Variants in CES5A observed in about 807,000 individuals in gnomAD.
CES5A encodes the protein carboxylesterase 5A.
CES5A carries 67 observed loss-of-function variants against 62.9 expected under a neutral mutation model. That is an observed-to-expected ratio of 1.07 (90% CI 0.88 to 1.31). The LOEUF (loss-of-function observed/expected upper bound fraction) is 1.31. CES5A is among the 50% of genes most tolerant of loss of function. The probability of loss-of-function intolerance (pLI) is 0.00; values close to 1 mark genes in which losing one functional copy is unlikely to be tolerated. For missense variants in CES5A, 748 were observed against 708.5 expected (o/e 1.06, Z -0.63); for synonymous variants, 296 against 280.8 (o/e 1.05, Z -0.54).
chr16:55,846,913 T>G (rs11076120), intron 11 of CES5A, 73 bp from the exon 12 acceptor site: 326,592 of 1,237,434 alleles, frequency 0.26, 48,686 homozygotes, highest in East Asian at 0.5. Flanking sequence ...TGTATTTGAT[T>G]AATCCTTTTC....
At chr16:55,909,255 T>C (rs1016209845) in intron 1 of CES5A, among the ~76,000 whole-genome samples, 5 of 152,152 alleles carry the variant, frequency 3.3e-5, no homozygotes, top group African/African-American at 1.2e-4. Flanking sequence ...CCTCAATTCA[T>C]TGTTGAGGAA....
At chr16:55,868,109 C>T (rs561233070) in intron 4 of CES5A, among the ~76,000 whole-genome samples, 2 of 152,330 alleles carry the variant, frequency 1.3e-5, no homozygotes, top group East Asian at 1.9e-4. Context: ...CCCTATCAGG[C>T]CTGTCCTTGC....
At chr16:55,889,459 A>T (rs1891231570) in intron 1 of CES5A, among the ~76,000 whole-genome samples, 1 of 152,066 alleles carries the variant, frequency 6.6e-6, no homozygotes, top group Non-Finnish European at 1.5e-5. Context: ...GGCTCACAGA[A>T]CTCAAGTCAA....
At chr16:55,933,165 A>T (rs1275848461) in intron 2 of CES5A, among the ~76,000 whole-genome samples, 3 of 152,166 alleles carry the variant, frequency 2.0e-5, no homozygotes, top group Non-Finnish European at 1.5e-5. Flanking sequence ...GAGGCACGTC[A>T]TGGGTTCTTA....
At chr16:55,876,738 G>A (rs970771855), upstream of CES5A, among the ~76,000 whole-genome samples, 11 of 152,198 alleles carry the variant, frequency 7.2e-5, no homozygotes, top group African/African-American at 2.7e-4. Flanking sequence ...AAGTGGTTGG[G>A]CTAAGAGAGA....
intron 2 of CES5A, among the ~76,000 whole-genome samples, chr16:55,932,559 TG>T (rs1224219495): frequency 7.1e-3 from 35 of 4,928 alleles, no homozygotes; most frequent in East Asian, 0.015. Flanking sequence ...CAGAAAATAA[TG>T]GGGGGGGGAG....
At chr16:55,953,861 C>T (rs1346198412) in intron 1 of CES5A, among the ~76,000 whole-genome samples, 1 of 152,152 alleles carries the variant, frequency 6.6e-6, no homozygotes, top group African/African-American at 2.4e-5. Context: ...TCCATCACCT[C>T]AAGCATCTGT....
At chr16:55,854,454 A>G (rs1170889631) in intron 9 of CES5A, among the ~76,000 whole-genome samples, 3 of 151,316 alleles carry the variant, frequency 2.0e-5, no homozygotes, top group Non-Finnish European at 4.4e-5. Context: ...CTTAGTCCCA[A>G]TTCATCATCA....
At position 55,892,780 on chromosome 16, in the gene CES5A, AACT is replaced by A. The variant is rs556422859; in HGVS notation, c.-255-18746_-255-18744del. Among the ~76,000 whole-genome samples, 326 of 152,272 alleles carry A rather than the reference AACT, an allele frequency of 2.1e-3. 1 individual carries two copies. The highest frequency in any genetic ancestry group is 7.5e-3 in the African/African-American group (310 of 41,554). ...TTATATATATATAAAGCTATCAAAGAACTATGGACACAGAGAAACCTAACTGAG... is the reference window on the plus strand; with the variant it reads ...TTATATATATATAAAGCTATCAAAGAATGGACACAGAGAAACCTAACTGAG... On this transcript the variant is annotated intron_variant, in intron 1 of 12. Transcript: ENST00000518005.
At chr16:55,925,787 G>A (rs1159826427), upstream of CES5A, among the ~76,000 whole-genome samples, 1 of 151,866 alleles carries the variant, frequency 6.6e-6, no homozygotes, top group African/African-American at 2.4e-5. Context: ...ATGTTAAATG[G>A]GACTTAATCA....
chr16:55,955,760 G>C, intron 1 of CES5A: 1 of 1,441,752 alleles, frequency 6.9e-7, no homozygotes. Context: ...GGGTAAATTT[G>C]CATCTAATCT....
intron 4 of CES5A, 37 bp from the exon 5 acceptor site, chr16:55,866,153 C>G: frequency 6.3e-7 from 1 of 1,587,438 alleles, no homozygotes; most frequent in Non-Finnish European, 8.6e-7. Flanking sequence ...TCTTGGTCAG[C>G]CATGGTGTGT....
chr16:55,856,237 C>T (rs571997212), intron 9 of CES5A, 140 bp downstream of exon 9: 5 of 731,756 alleles, frequency 6.8e-6, no homozygotes, highest in African/African-American at 5.2e-5. Flanking sequence ...GACTAATACA[C>T]CTATGCTTAG....
intron 5 of CES5A, among the ~76,000 whole-genome samples, chr16:55,864,568 A>T (rs2033417232): frequency 6.6e-6 from 1 of 152,158 alleles, no homozygotes; most frequent in African/African-American, 2.4e-5. Context: ...TTATGTCTGG[A>T]AAAAAAATTC....
At chr16:55,930,634 C>T (rs2034300559) in intron 2 of CES5A, among the ~76,000 whole-genome samples, 1 of 152,126 alleles carries the variant, frequency 6.6e-6, no homozygotes, top group Non-Finnish European at 1.5e-5. Context: ...CAGAACTGTC[C>T]CAGGCTTTTC....
At chr16:55,879,694 G>A (rs978813960), upstream of CES5A, among the ~76,000 whole-genome samples, 5 of 152,096 alleles carry the variant, frequency 3.3e-5, no homozygotes, top group East Asian at 1.9e-4. Context: ...GGGCTCAAGC[G>A]ATCCTCCCAC....
rs112518241 is a variant in CES5A at position 55,869,112 on chromosome 16, C to T, written c.551+499G>A. Among the ~76,000 whole-genome samples, 685 of 152,352 alleles carry T rather than the reference C, an allele frequency of 4.5e-3. 6 individuals carry two copies. Among genetic ancestry groups the T allele is most frequent in the African/African-American group, 0.016 (661 of 41,584 alleles). Reference sequence around the variant, plus strand: ...CTGCTCACACAAACAGTGTCCTGTTCTTCCAGGGCACACAGTGGGGCTACA... The same window carrying T: ...CTGCTCACACAAACAGTGTCCTGTTTTTCCAGGGCACACAGTGGGGCTACA... On this transcript the variant is annotated intron_variant, in intron 4 of 12. Transcript: ENST00000290567.
At chr16:55,908,151 T>A (rs1376696208) in intron 1 of CES5A, among the ~76,000 whole-genome samples, 2 of 152,066 alleles carry the variant, frequency 1.3e-5, no homozygotes, top group Non-Finnish European at 2.9e-5. Flanking sequence ...CTAGCCCCCA[T>A]CCATGCAGCC....
chr16:55,846,359 C>T lies in CES5A; in HGVS notation c.*92G>A. 3 of 941,752 alleles carry T rather than the reference C, an allele frequency of 3.2e-6. No individual in the cohort carries two copies. The highest frequency in any genetic ancestry group is 3.1e-5 in the South Asian group (2 of 65,474). The allele number at this position is 941,752 out of a possible 1,614,324, so 58.3% of individuals were successfully genotyped here. On this transcript the variant is annotated 3_prime_UTR_variant, in exon 13 of 13. Coordinates refer to ENST00000290567, the MANE Select transcript of CES5A (RefSeq NM_001143685.2). ...AAGCAGCTTGTTTTGCAAGGATCCC[C>T]ATAGAAAGCAGCTGAGCTCAGAAAG...
Sources: allele counts gnomAD v4.1 joint callset (sites outside exome capture counted in the v4.1 genomes callset), GRCh38; gene constraint gnomAD v4.1.1; transcripts MANE v1.5; gene names NCBI Gene and HGNC (gene_info 2026-07-23, HGNC 2026-07-21).